DPYD: variants seen among roughly 807,000 people sequenced by gnomAD.
The protein encoded by DPYD is dihydropyrimidine dehydrogenase [NADP(+)].
DPYD carries 109 observed loss-of-function variants against 116.2 expected under a neutral mutation model. The observed-to-expected ratio is 0.94, with a 90% CI of 0.80 to 1.10. The LOEUF (loss-of-function observed/expected upper bound fraction) is 1.10, where lower values mean the gene tolerates loss of function less well. DPYD is among the 50% of genes least tolerant of loss of function. The pLI, the probability that DPYD is intolerant of heterozygous loss-of-function variation, is 0.00. For missense variants in DPYD, 1,302 were observed against 1,254.5 expected (o/e 1.04, Z -0.57); for synonymous variants, 440 against 432.0 (o/e 1.02, Z -0.23).
intron 16 of DPYD, among the ~76,000 whole-genome samples, chr1:97,307,803 C>T (rs897399636): frequency 6.6e-6 from 1 of 151,994 alleles, no homozygotes; most frequent in Non-Finnish European, 1.5e-5. Flanking sequence ...ATATTTATAA[C>T]CACTGCATTG....
intron 3 of DPYD, among the ~76,000 whole-genome samples, chr1:97,775,838 A>G (rs778962266): frequency 2.6e-5 from 4 of 152,188 alleles, no homozygotes; most frequent in Admixed American, 6.5e-5. Flanking sequence ...ACATTGGGTC[A>G]TCATTTATCC....
chr1:97,686,518 T>C (rs1660739911), intron 7 of DPYD, among the ~76,000 whole-genome samples: 1 of 150,622 alleles, frequency 6.6e-6, no homozygotes, highest in South Asian at 2.1e-4. Flanking sequence ...GAGCCTGTAG[T>C]CCCAGCTACT....
chr1:97,514,691 C>T (rs998827772), intron 13 of DPYD, among the ~76,000 whole-genome samples: 8 of 151,644 alleles, frequency 5.3e-5, no homozygotes, highest in Admixed American at 4.0e-4. Flanking sequence ...AAAATCTTTA[C>T]GAAGGATTTT....
Position 97,689,858 on chromosome 1 carries a change from C to G in DPYD, c.762+1859G>C, listed in dbSNP as rs951438990. ...AAAAGGAATCTCACTGCTATCTTTCCTCAGAATTGTATATACAGTTTATTG... is the reference window on the plus strand; with the variant it reads ...AAAAGGAATCTCACTGCTATCTTTCGTCAGAATTGTATATACAGTTTATTG... On this transcript the variant is annotated intron_variant, in intron 7 of 22. Transcript: ENST00000370192. Among the ~76,000 whole-genome samples the G allele has an allele frequency of 2.6e-5, 4 of 152,162 alleles. No homozygotes were observed. In the South Asian group the frequency reaches 8.3e-4, roughly 32 times the overall value.
At chr1:97,727,561 C>G (rs1663339215) in intron 4 of DPYD, among the ~76,000 whole-genome samples, 1 of 151,636 alleles carries the variant, frequency 6.6e-6, no homozygotes, top group Admixed American at 6.6e-5. Flanking sequence ...AGAGGTTACA[C>G]AATGATGCCT....
chr1:97,838,708 G>A (rs1669894825), intron 2 of DPYD, among the ~76,000 whole-genome samples: 1 of 152,124 alleles, frequency 6.6e-6, no homozygotes, highest in South Asian at 2.1e-4. Flanking sequence ...AGCCGGGCGC[G>A]GTGGCGGGCG....
chr1:97,415,811 C>A (rs1570697869), intron 14 of DPYD, among the ~76,000 whole-genome samples: 2 of 152,124 alleles, frequency 1.3e-5, no homozygotes, highest in African/African-American at 4.8e-5. Flanking sequence ...ATAGCATGTG[C>A]AGCTTGTACA....
intron 14 of DPYD, among the ~76,000 whole-genome samples, chr1:97,407,525 G>A (rs554814560): frequency 2.0e-5 from 3 of 152,154 alleles, no homozygotes; most frequent in African/African-American, 7.2e-5. Context: ...ATGTCCCTGT[G>A]GCCAGAAACT....
intron 20 of DPYD, among the ~76,000 whole-genome samples, chr1:97,164,141 T>C (rs563911072): frequency 6.6e-6 from 1 of 152,308 alleles, no homozygotes; most frequent in Admixed American, 6.5e-5. Context: ...TCAATAAATG[T>C]GATTCATCAC....
intron 20 of DPYD, among the ~76,000 whole-genome samples, chr1:97,115,030 T>C (rs1651866368): frequency 2.0e-5 from 3 of 152,202 alleles, no homozygotes; most frequent in South Asian, 2.1e-4. Context: ...CCTTCCAAGT[T>C]TGTAATTTAA....
chr1:97,171,764 T>C (rs952158241), intron 20 of DPYD, among the ~76,000 whole-genome samples: 2 of 152,342 alleles, frequency 1.3e-5, no homozygotes, highest in East Asian at 3.9e-4. Flanking sequence ...TACTTTTCCT[T>C]GGGCAAATAA....
chr1:97,846,764 CATT>C (rs1458151044), intron 2 of DPYD, among the ~76,000 whole-genome samples: 12 of 152,214 alleles, frequency 7.9e-5, no homozygotes, highest in Non-Finnish European at 1.5e-4. Flanking sequence ...TATGTAGCAT[CATT>C]GTCTTAAAAT....
chr1:97,208,214 CTCTT>C (rs970646144), intron 19 of DPYD, among the ~76,000 whole-genome samples: 2 of 141,802 alleles, frequency 1.4e-5, no homozygotes, highest in Admixed American at 7.0e-5. Context: ...TTTCTTCTTT[CTCTT>C]TGTTTCTTTT....
chr1:97,376,026 G>A lies in DPYD; in HGVS notation c.1975-2382C>T, dbSNP rs141973557. 1.4e-3 allele frequency among the ~76,000 whole-genome samples: 211 copies of A among 152,240 alleles called. 1 individual carries two copies. The highest frequency in any genetic ancestry group is 3.5e-3 in the Admixed American group (54 of 15,292). ...TACATTAATTGAGCATTTACAATAT[G>A]CCAGATACTTTACTATGTCCTTTGT... On this transcript the variant is annotated intron_variant, in intron 15 of 22. Coordinates refer to ENST00000370192, the MANE Select transcript of DPYD (RefSeq NM_000110.4).
chr1:97,444,317 G>A (rs528148844), intron 14 of DPYD, among the ~76,000 whole-genome samples: 1 of 152,194 alleles, frequency 6.6e-6, no homozygotes, highest in East Asian at 1.9e-4. Context: ...CTGGCCTAGT[G>A]CTTTCACTCA....
At chr1:97,463,957 AG>A (rs1310559454) in intron 13 of DPYD, among the ~76,000 whole-genome samples, 2 of 152,228 alleles carry the variant, frequency 1.3e-5, no homozygotes, top group African/African-American at 2.4e-5. Flanking sequence ...TTTTCAACCT[AG>A]CTGGGCATGG....
intron 16 of DPYD, among the ~76,000 whole-genome samples, chr1:97,357,261 T>C (rs1670471503): frequency 6.6e-6 from 1 of 152,182 alleles, no homozygotes; most frequent in Non-Finnish European, 1.5e-5. Context: ...TTCCTTTTGA[T>C]TTCTTTTTCA....
chr1:97,545,231 A>G (rs1434482195), intron 12 of DPYD, among the ~76,000 whole-genome samples: 1 of 152,086 alleles, frequency 6.6e-6, no homozygotes, highest in East Asian at 1.9e-4. Context: ...TTTTAACTGT[A>G]CTTTCTTGAG....
chr1:97,770,325 A>G (rs1020620346), intron 3 of DPYD, among the ~76,000 whole-genome samples: 1 of 152,236 alleles, frequency 6.6e-6, no homozygotes, highest in Non-Finnish European at 1.5e-5. Context: ...TTAGAAACAA[A>G]TAAGATGTTA....
Sources: gnomAD v4.1 joint callset for allele counts (sites outside exome capture counted in the v4.1 genomes callset) on GRCh38, gnomAD v4.1.1 for gene constraint, MANE v1.5 for transcripts, NCBI Gene and HGNC (gene_info 2026-07-23, HGNC 2026-07-21) for gene names.